Variants in PJA2 observed in about 807,000 individuals in gnomAD.
The protein encoded by PJA2 is E3 ubiquitin-protein ligase Praja-2.
PJA2 carries 25 observed loss-of-function variants against 69.3 expected under a neutral mutation model. The observed-to-expected ratio is 0.36, with a 90% CI of 0.26 to 0.50. The LOEUF is 0.50. Among genes scored for constraint, PJA2 ranks in the 20% least tolerant of loss-of-function variants. PJA2 has a pLI of 0.96. For synonymous variants in PJA2, 308 were observed against 277.8 expected (o/e 1.11, Z -1.08); for missense variants, 809 against 830.2 (o/e 0.97, Z 0.31).
rs763261425 is a variant in PJA2 at position 109,378,703 on chromosome 5, C to G, written c.784G>C (p.Asp262His). Residue 262 changes from aspartate (D) to histidine (H), a missense_variant, in exon 4 of 10, where the codon GAT becomes CAT. Physicochemically the swap from Asp to His is moderately conservative, Grantham distance 81. Around this residue, in one of 4 missense-constraint regions of PJA2, gnomAD observed 700 missense variants for 639.5 expected, o/e 1.09. Transcript: ENST00000361189. ...TGTTGTTTCGTACTAACCATTTCATCTTGAGAAGACCTCTGAATTTCCTGG... is the reference window on the plus strand; with the variant it reads ...TGTTGTTTCGTACTAACCATTTCATGTTGAGAAGACCTCTGAATTTCCTGG... ...NSQEIQRSSQ[D>H]EMVSTKQQNN... 6.2e-7 allele frequency: 1 copy of G among 1,613,604 alleles called. No individual in the cohort carries two copies. Among genetic ancestry groups the G allele is most frequent in the South Asian group, 1.1e-5 (1 of 91,074 alleles).
chr5:109,339,647 A>G (rs144692833), intron 9 of PJA2, among the ~76,000 whole-genome samples: 1 of 152,344 alleles, frequency 6.6e-6, no homozygotes, highest in Non-Finnish European at 1.5e-5. Flanking sequence ...AATAATTTTA[A>G]TAACACCTAC....
chr5:109,343,273 C>CAA (rs869033444), intron 9 of PJA2, among the ~76,000 whole-genome samples: 24 of 19,268 alleles, frequency 1.2e-3, no homozygotes, highest in African/African-American at 4.7e-3. Context: ...AAGGGCGGTG[C>CAA]AAAAAAAAAA....
chr5:109,341,487 C>A (rs1762056334), intron 9 of PJA2, among the ~76,000 whole-genome samples: 1 of 141,688 alleles, frequency 7.1e-6, no homozygotes, highest in Admixed American at 6.8e-5. Flanking sequence ...CGCCCGGCAG[C>A]CACCCCATCT....
At chr5:109,351,890 T>G (rs1234188214) in intron 7 of PJA2, among the ~76,000 whole-genome samples, 1 of 152,148 alleles carries the variant, frequency 6.6e-6, no homozygotes, top group African/African-American at 2.4e-5. Flanking sequence ...TAATCATAAA[T>G]TATTTTTGTT....
At chr5:109,399,893 G>A (rs1046536193) in intron 1 of PJA2, among the ~76,000 whole-genome samples, 37 of 152,124 alleles carry the variant, frequency 2.4e-4, no homozygotes, top group African/African-American at 8.2e-4. Flanking sequence ...AATTTCAGGA[G>A]AGATGAAAAT....
intron 1 of PJA2, among the ~76,000 whole-genome samples, chr5:109,398,969 T>A (rs935722662): frequency 6.6e-6 from 1 of 151,922 alleles, no homozygotes; most frequent in Non-Finnish European, 1.5e-5. Context: ...CCCAGCACTT[T>A]GGGAGGCCAA....
intron 1 of PJA2, among the ~76,000 whole-genome samples, chr5:109,401,405 A>AGT (rs1747543177): frequency 6.6e-6 from 1 of 152,140 alleles, no homozygotes; most frequent in Non-Finnish European, 1.5e-5. Flanking sequence ...GGCTATAGTG[A>AGT]GACAAGCTTG....
intron 5 of PJA2, among the ~76,000 whole-genome samples, chr5:109,364,622 C>CAAAAAAAAAAAAA (rs200663624): frequency 7.9e-4 from 49 of 61,772 alleles, no homozygotes; most frequent in Non-Finnish European, 1.5e-3. Context: ...GACTCTGTCT[C>CAAAAAAAAAAAAA]AAAAAAAAAA....
chr5:109,353,962 A>T (rs544673101), intron 7 of PJA2, among the ~76,000 whole-genome samples: 1 of 134,902 alleles, frequency 7.4e-6, no homozygotes. Flanking sequence ...GATGTCTATG[A>T]TATCTAGAGA....
At chr5:109,409,355 G>A (rs912578031) in intron 1 of PJA2, 2 of 152,396 alleles carry the variant, frequency 1.3e-5, no homozygotes, top group African/African-American at 4.8e-5. Context: ...AGGCTCCTCG[G>A]GGGAGGGGTG....
At chr5:109,337,801 TTA>T (rs1761974486) in intron 9 of PJA2, among the ~76,000 whole-genome samples, 1 of 151,696 alleles carries the variant, frequency 6.6e-6, no homozygotes, top group African/African-American at 2.4e-5. Flanking sequence ...ACCAAATCAT[TTA>T]TGATTTGGTG....
At chr5:109,384,268 T>C (rs1008808119) in intron 1 of PJA2, among the ~76,000 whole-genome samples, 1 of 152,148 alleles carries the variant, frequency 6.6e-6, no homozygotes, top group Non-Finnish European at 1.5e-5. Flanking sequence ...TTTTTAAAAA[T>C]GTGTAATGGC....
chr5:109,345,842 G>T lies in PJA2; in HGVS notation c.1765-1023C>A, dbSNP rs9942414. 8.1e-3 allele frequency among the ~76,000 whole-genome samples: 1,235 copies of T among 152,260 alleles called. 13 individuals are homozygous for T. Among genetic ancestry groups the T allele is most frequent in the African/African-American group, 0.028 (1,175 of 41,552 alleles). Reference sequence around the variant, plus strand: ...ATTTCATTTACAGGTTCAAATATCTGTGTCAAATTACTGTTCTAAGAAGGA... The same window carrying T: ...ATTTCATTTACAGGTTCAAATATCTTTGTCAAATTACTGTTCTAAGAAGGA... On this transcript the variant is annotated intron_variant, in intron 7 of 9. Transcript: ENST00000361189.
intron 4 of PJA2, among the ~76,000 whole-genome samples, chr5:109,372,516 T>C (rs553962428): frequency 4.6e-5 from 7 of 152,198 alleles, no homozygotes; most frequent in African/African-American, 7.2e-5. Flanking sequence ...TTCTTTAACA[T>C]TGCAATTATT....
chr5:109,394,294 C>T (rs780868417), intron 1 of PJA2, among the ~76,000 whole-genome samples: 6 of 151,646 alleles, frequency 4.0e-5, no homozygotes, highest in Non-Finnish European at 7.4e-5. Context: ...GTGATCCACC[C>T]GCCTCCGCCT....
intron 7 of PJA2, among the ~76,000 whole-genome samples, chr5:109,353,851 ATGTC>A: frequency 1.7e-5 from 1 of 57,302 alleles, no homozygotes; most frequent in African/African-American, 6.0e-5. Flanking sequence ...TATAGATTAG[ATGTC>A]TATGATATCT....
intron 7 of PJA2, among the ~76,000 whole-genome samples, chr5:109,355,416 A>C (rs987041884): frequency 3.9e-5 from 6 of 152,226 alleles, no homozygotes; most frequent in Non-Finnish European, 8.8e-5. Flanking sequence ...TTAAATAATG[A>C]AAAGAAGGCA....
In PJA2 at chr5:109,372,905, CAAAAAAAAAA is replaced by C. The variant is rs528408590; in HGVS notation, c.1284-4169_1284-4160del. 3.1e-4 allele frequency among the ~76,000 whole-genome samples: 11 copies of C among 35,706 alleles called. 1 individual carries two copies. The East Asian group carries it at 0.011, about 37-fold the overall frequency. 23.4% of individuals were successfully genotyped at this position (35,706 alleles called of 152,430 possible). A position where few individuals can be genotyped will look rare whatever the true frequency, so the allele number is the denominator to read the frequency against. On this transcript the variant is annotated intron_variant, in intron 4 of 9. Coordinates refer to ENST00000361189, the MANE Select transcript of PJA2 (RefSeq NM_014819.5). ...TGGCAACTAGAGCAACACTCCGTCT[CAAAAAAAAAA>C]AAAAAAAAAAAGAAAGAAAGAAAAA...
At chr5:109,370,640 A>C (rs910609681) in intron 4 of PJA2, among the ~76,000 whole-genome samples, 3 of 152,188 alleles carry the variant, frequency 2.0e-5, no homozygotes, top group Non-Finnish European at 4.4e-5. Flanking sequence ...ATCTAATATA[A>C]ACAATTTCTA....
Sources: allele counts gnomAD v4.1 joint callset (sites outside exome capture counted in the v4.1 genomes callset), GRCh38; gene constraint gnomAD v4.1.1; regional missense constraint gnomAD v4.1.1; transcripts MANE v1.5; gene names NCBI Gene and HGNC (gene_info 2026-07-23, HGNC 2026-07-21).